Variants in PRKG1 observed in about 807,000 individuals in gnomAD.
PRKG1 encodes cGMP-dependent protein kinase 1.
Under a neutral mutation model 88.1 loss-of-function variants are expected in PRKG1, and 35 were observed. That is an observed-to-expected ratio of 0.40 (90% CI 0.30 to 0.53). The LOEUF is 0.53. Among genes scored for constraint, PRKG1 ranks in the 20% least tolerant of loss-of-function variants. The pLI is 0.59. For missense variants in PRKG1, 540 were observed against 839.8 expected (o/e 0.64, Z 4.41); for synonymous variants, 303 against 292.5 (o/e 1.04, Z -0.37).
chr10:51,778,611 A>G (rs1838503428), intron 3 of PRKG1, among the ~76,000 whole-genome samples: 1 of 152,220 alleles, frequency 6.6e-6, no homozygotes, highest in African/African-American at 2.4e-5. Flanking sequence ...TCCACAAAAA[A>G]TGTGTGGTGA....
intron 5 of PRKG1, among the ~76,000 whole-genome samples, chr10:52,018,488 A>G (rs754467104): frequency 6.6e-6 from 1 of 152,194 alleles, no homozygotes; most frequent in Non-Finnish European, 1.5e-5. Flanking sequence ...AATACATTAT[A>G]CTGCCTCTTT....
intron 4 of PRKG1, among the ~76,000 whole-genome samples, chr10:51,892,542 T>C (rs1030683063): frequency 6.6e-6 from 1 of 152,196 alleles, no homozygotes; most frequent in Admixed American, 6.5e-5. Flanking sequence ...GATGAGAGGT[T>C]GAGCAAGACT....
At chr10:52,121,824 G>A (rs539350507) in intron 7 of PRKG1, among the ~76,000 whole-genome samples, 1 of 152,220 alleles carries the variant, frequency 6.6e-6, no homozygotes, top group East Asian at 1.9e-4. Context: ...CCTGTCTTCT[G>A]AGCCCTCACC....
chr10:52,097,783 A>G (rs1036731607), intron 7 of PRKG1, among the ~76,000 whole-genome samples: 9 of 139,510 alleles, frequency 6.5e-5, no homozygotes, highest in African/African-American at 1.0e-4. Flanking sequence ...ATATATATAT[A>G]TGTACAGATT....
intron 2 of PRKG1, among the ~76,000 whole-genome samples, chr10:51,155,902 C>T (rs1589201181): frequency 2.0e-5 from 3 of 152,038 alleles, no homozygotes; most frequent in East Asian, 1.9e-4. Context: ...AAAACGTCTA[C>T]AGTAGAATAA....
chr10:52,127,220 C>T (rs536911657), intron 7 of PRKG1, among the ~76,000 whole-genome samples: 1 of 152,030 alleles, frequency 6.6e-6, no homozygotes, highest in Non-Finnish European at 1.5e-5. Context: ...ATCTTTTGAG[C>T]CTAGGTGAGT....
intron 2 of PRKG1, chr10:51,320,795 ACT>A (rs1200653989): frequency 2.0e-5 from 3 of 152,182 alleles, no homozygotes; most frequent in African/African-American, 7.2e-5. Flanking sequence ...GTATTTTATA[ACT>A]CAACATTCTA....
intron 2 of PRKG1, among the ~76,000 whole-genome samples, chr10:51,168,668 T>A (rs1372617853): frequency 6.6e-6 from 1 of 152,158 alleles, no homozygotes; most frequent in South Asian, 2.1e-4. Flanking sequence ...GAAAGTAGAA[T>A]GTGATTAGTT....
At position 51,244,903 on chromosome 10, in the gene PRKG1, G is replaced by A. The variant is rs187223282; in HGVS notation, c.478+91573G>A. ...TTTAACTGCAAACTTCACAGTGGAA[G>A]CGTTTTCCTTTGTGAATACTGGGAC... On this transcript the variant is annotated intron_variant, in intron 2 of 17. Coordinates refer to ENST00000373980, the MANE Select transcript of PRKG1 (RefSeq NM_006258.4). 1.1e-4 allele frequency: 17 copies of A among 151,476 alleles called. No individual in the cohort carries two copies. In the East Asian group the frequency reaches 2.1e-3, roughly 19 times the overall value. The allele number at this position is 151,476 out of a possible 1,614,324, so 9.4% of individuals were successfully genotyped here.
intron 3 of PRKG1, among the ~76,000 whole-genome samples, chr10:51,713,346 G>A (rs1841807461): frequency 6.6e-6 from 1 of 152,132 alleles, no homozygotes; most frequent in South Asian, 2.1e-4. Flanking sequence ...TTATTGTATA[G>A]CACTTAAACC....
In PRKG1 at chr10:52,256,669, C is replaced by T. The variant is rs1841315938; in HGVS notation, c.1173+5003C>T. 1.4e-5 allele frequency among the ~76,000 whole-genome samples: 2 copies of T among 139,516 alleles called. 1 individual carries two copies. The highest frequency in any genetic ancestry group is 4.6e-4 in the South Asian group (2 of 4,328). 91.5% of individuals were successfully genotyped at this position (139,516 alleles called of 152,430 possible). ...TGATAGTTCTTTTTATTTATCACTT[C>T]CAGCTATAAGCATAGAAAAGGAAGG... On this transcript the variant is annotated intron_variant, in intron 10 of 17. Transcript: ENST00000373980.
intron 10 of PRKG1, among the ~76,000 whole-genome samples, chr10:52,262,630 C>A (rs1221887428): frequency 6.6e-6 from 1 of 152,184 alleles, no homozygotes; most frequent in African/African-American, 2.4e-5. Flanking sequence ...GACTTGCATA[C>A]AACCACAGTT....
intron 2 of PRKG1, among the ~76,000 whole-genome samples, chr10:51,247,170 C>A (rs1399197595): frequency 6.6e-6 from 1 of 151,894 alleles, no homozygotes; most frequent in Non-Finnish European, 1.5e-5. Context: ...ATGAAAAAAC[C>A]CCTGCTTCTT....
intron 3 of PRKG1, among the ~76,000 whole-genome samples, chr10:51,641,505 G>A (rs1218487807): frequency 2.6e-5 from 4 of 152,160 alleles, no homozygotes; most frequent in African/African-American, 9.6e-5. Context: ...TGGATGCCTT[G>A]TGCTTTTTGG....
chr10:51,690,417 A>C (rs777576359), intron 3 of PRKG1, among the ~76,000 whole-genome samples: 3 of 152,166 alleles, frequency 2.0e-5, no homozygotes, highest in Non-Finnish European at 4.4e-5. Context: ...TTTAACAGGG[A>C]AATAACATGA....
chr10:52,027,785 T>C (rs929914875), intron 5 of PRKG1, among the ~76,000 whole-genome samples: 1 of 151,988 alleles, frequency 6.6e-6, no homozygotes, highest in African/African-American at 2.4e-5. Context: ...ATCTTTATTA[T>C]TATTATTATT....
chr10:51,384,199 A>G (rs1402082585), intron 2 of PRKG1, among the ~76,000 whole-genome samples: 2 of 152,214 alleles, frequency 1.3e-5, no homozygotes, highest in African/African-American at 2.4e-5. Context: ...CCAGAGCCCA[A>G]CTCAAAGAAC....
At chr10:51,607,445 C>T (rs1466625055) in intron 3 of PRKG1, among the ~76,000 whole-genome samples, 1 of 152,170 alleles carries the variant, frequency 6.6e-6, no homozygotes. Context: ...GCTGTGGGCT[C>T]TCAGTAGCAG....
chr10:51,825,268 A>G (rs1045279847), intron 4 of PRKG1, among the ~76,000 whole-genome samples: 1 of 152,166 alleles, frequency 6.6e-6, no homozygotes, highest in Non-Finnish European at 1.5e-5. Context: ...GTATTTTTAG[A>G]TTTTAGAAAT....
Sources: allele counts gnomAD v4.1 joint callset (sites outside exome capture counted in the v4.1 genomes callset), GRCh38; gene constraint gnomAD v4.1.1; transcripts MANE v1.5; gene names NCBI Gene and HGNC (gene_info 2026-07-23, HGNC 2026-07-21).